The following PTPRN2 variants were observed in gnomAD, a reference collection of about 807,000 sequenced individuals.
PTPRN2 encodes the protein protein tyrosine phosphatase receptor type N2, also known as receptor-type tyrosine-protein phosphatase N2.
In PTPRN2, 74 loss-of-function variants were observed where a neutral mutation model predicts 118.8. That is an observed-to-expected ratio of 0.62 (90% CI 0.52 to 0.76). The LOEUF (loss-of-function observed/expected upper bound fraction) is 0.76. PTPRN2 is among the 30% of genes least tolerant of loss of function. The probability of loss-of-function intolerance (pLI) is 0.00; values close to 1 mark genes in which losing one functional copy is unlikely to be tolerated. For synonymous variants in PTPRN2, 641 were observed against 608.0 expected (o/e 1.05, Z -0.80); for missense variants, 1,481 against 1,394.4 (o/e 1.06, Z -0.99).
At chr7:158,191,719 C>T (rs1825780150) in intron 5 of PTPRN2, among the ~76,000 whole-genome samples, 1 of 152,160 alleles carries the variant, frequency 6.6e-6, no homozygotes, top group African/African-American at 2.4e-5. Flanking sequence ...CTCCCACTCG[C>T]CCTGCATAAA....
intron 10 of PTPRN2, among the ~76,000 whole-genome samples, chr7:158,098,986 GGCTGCCTCCCCTTCCTCCCCCAACACATC>G: frequency 2.8e-5 from 1 of 35,258 alleles, no homozygotes. Context: ...TCCGCATCCC[GGCTGCCTCCCCTTCCTCCCCCAACACATC>G]CCGGCTGCCT....
rs532860200 is a variant in PTPRN2 at position 157,722,275 on chromosome 7, C to T, written c.1789-39338G>A. Among the ~76,000 whole-genome samples, 72 of 152,312 alleles carry T rather than the reference C, an allele frequency of 4.7e-4. 2 individuals carry two copies. The highest frequency in any genetic ancestry group is 8.2e-4 in the Non-Finnish European group (56 of 68,040). ...CTGCCTGGCATATTTTGGGTGCTCA[C>T]GAATGCTGACTGCAGCCTGGCATTG... On this transcript the variant is annotated intron_variant, in intron 12 of 22. Transcript: ENST00000389418.
At chr7:158,070,656 AGGTGCTCCTGG>A in intron 11 of PTPRN2, among the ~76,000 whole-genome samples, 1 of 90,352 alleles carries the variant, frequency 1.1e-5, no homozygotes, top group African/African-American at 5.1e-5. Context: ...ATGGTGGTGG[AGGTGCTCCTGG>A]TGGTGGAGGT....
Position 157,990,437 on chromosome 7 carries a change from T to G in PTPRN2, c.1723+90861A>C, listed in dbSNP as rs933332842. On this transcript the variant is annotated intron_variant, in intron 11 of 22. Transcript: ENST00000389418. The surrounding 1 kb of genome is among the most constrained non-coding windows in gnomAD (Gnocchi z 4.3). ...GCTCCAAGTCCTCTGGGATCCAGGT[T>G]CTCCTTCCTTCAGGGCACCCCCACC... Among the ~76,000 whole-genome samples the G allele has an allele frequency of 6.6e-6, 1 of 151,984 alleles. No homozygotes were observed. Among genetic ancestry groups the G allele is most frequent in the African/African-American group, 2.4e-5 (1 of 41,374 alleles).
At chr7:158,433,276 T>G (rs1016990134) in intron 2 of PTPRN2, among the ~76,000 whole-genome samples, 3 of 152,208 alleles carry the variant, frequency 2.0e-5, no homozygotes, top group African/African-American at 7.2e-5. Flanking sequence ...TTTTGTATAT[T>G]TAAGGATGCA....
At chr7:157,747,842 T>C (rs2150977049) in intron 12 of PTPRN2, among the ~76,000 whole-genome samples, 1 of 132,538 alleles carries the variant, frequency 7.5e-6, no homozygotes, top group Middle Eastern at 4.3e-3. Flanking sequence ...CTTTGGGCTG[T>C]CCGGGTGATT....
intron 2 of PTPRN2, among the ~76,000 whole-genome samples, chr7:158,322,244 G>A (rs938767381): frequency 6.6e-6 from 1 of 152,178 alleles, no homozygotes; most frequent in African/African-American, 2.4e-5. Flanking sequence ...CACGCACACA[G>A]AAAAAGCAGA....
At chr7:158,561,436 T>A (rs1340332695) in intron 1 of PTPRN2, among the ~76,000 whole-genome samples, 1 of 152,212 alleles carries the variant, frequency 6.6e-6, no homozygotes, top group Non-Finnish European at 1.5e-5. Context: ...AACTGCATGT[T>A]TTCTCACCAA....
intron 11 of PTPRN2, among the ~76,000 whole-genome samples, chr7:157,923,461 C>T (rs1019970212): frequency 7.2e-5 from 11 of 152,178 alleles, no homozygotes; most frequent in African/African-American, 2.4e-4. Context: ...AGGCAGAGCA[C>T]ATGTCACTAC....
At chr7:157,999,048 TC>T (rs1301405639) in intron 11 of PTPRN2, among the ~76,000 whole-genome samples, 1 of 151,748 alleles carries the variant, frequency 6.6e-6, no homozygotes, top group Non-Finnish European at 1.5e-5. Flanking sequence ...TCCTGGCTGT[TC>T]CTCCGAGCGG....
At chr7:158,258,588 G>T (rs1797182508) in intron 3 of PTPRN2, among the ~76,000 whole-genome samples, 1 of 152,252 alleles carries the variant, frequency 6.6e-6, no homozygotes, top group East Asian at 1.9e-4. Flanking sequence ...CTGTGGAAGG[G>T]TCTGTGTCTC....
At chr7:158,382,621 C>T (rs978442917) in intron 2 of PTPRN2, among the ~76,000 whole-genome samples, 2 of 152,140 alleles carry the variant, frequency 1.3e-5, no homozygotes, top group African/African-American at 4.8e-5. Flanking sequence ...GTTCTGCTGC[C>T]TGTCAGATCA....
chr7:158,138,646 C>T, intron 6 of PTPRN2, 131 bp from the exon 7 acceptor site: 1 of 745,734 alleles, frequency 1.3e-6, no homozygotes, highest in African/African-American at 1.8e-5. Flanking sequence ...CAGGCGCAGG[C>T]CAGTGCTCAG....
At chr7:157,841,418 T>C (rs2151184174) in intron 12 of PTPRN2, among the ~76,000 whole-genome samples, 1 of 152,344 alleles carries the variant, frequency 6.6e-6, no homozygotes, top group Non-Finnish European at 1.5e-5. Context: ...ACTTACCGTA[T>C]TGTACGTGGC....
chr7:158,334,711 T>C (rs866056677), intron 2 of PTPRN2, among the ~76,000 whole-genome samples: 138 of 12,588 alleles, frequency 0.011, 3 homozygotes, highest in Middle Eastern at 0.071. Flanking sequence ...AGGTGACACC[T>C]GCAGACGTCA....
intron 14 of PTPRN2, among the ~76,000 whole-genome samples, chr7:157,649,007 C>T (rs573039771): frequency 1.4e-4 from 19 of 140,018 alleles, no homozygotes; most frequent in Middle Eastern, 4.7e-3. Context: ...CTCGGTGGGT[C>T]GGATCCATTC....
At chr7:158,545,562 T>G (rs1826229530) in intron 1 of PTPRN2, among the ~76,000 whole-genome samples, 1 of 152,166 alleles carries the variant, frequency 6.6e-6, no homozygotes, top group African/African-American at 2.4e-5. Flanking sequence ...GGTGGGGCTG[T>G]TCACACCCCG....
At chr7:158,340,956 T>C (rs371084364) in intron 2 of PTPRN2, among the ~76,000 whole-genome samples, 2 of 82,062 alleles carry the variant, frequency 2.4e-5, no homozygotes, top group East Asian at 3.9e-4. Context: ...CCATAAGAGC[T>C]GACGCCCGCA....
chr7:157,756,376 C>A (rs1801781661), intron 12 of PTPRN2, among the ~76,000 whole-genome samples: 1 of 151,832 alleles, frequency 6.6e-6, no homozygotes, highest in Admixed American at 6.6e-5. Flanking sequence ...CTCACTGCAG[C>A]CTCTGCCTCT....
Sources: allele counts gnomAD v4.1 joint callset (sites outside exome capture counted in the v4.1 genomes callset), GRCh38; gene constraint gnomAD v4.1.1; non-coding constraint Gnocchi (gnomAD v3.1); transcripts MANE v1.5; gene names NCBI Gene and HGNC (gene_info 2026-07-23, HGNC 2026-07-21).